GLT1D1: variants seen among roughly 807,000 people sequenced by gnomAD.
GLT1D1 encodes the protein glycosyltransferase 1 domain-containing protein 1.
Under a neutral mutation model 28.7 loss-of-function variants are expected in GLT1D1, and 21 were observed. The observed-to-expected ratio is 0.73, with a 90% confidence interval of 0.52 to 1.05. The LOEUF (loss-of-function observed/expected upper bound fraction) is 1.05, where lower values mean the gene tolerates loss of function less well. GLT1D1 is among the 50% of genes least tolerant of loss of function. GLT1D1 has a pLI of 0.00. For synonymous variants in GLT1D1, 147 were observed against 124.8 expected, an observed-to-expected ratio of 1.18 and a Z score of -1.19; for missense variants, 343 against 330.6, an observed-to-expected ratio of 1.04 and a Z score of -0.29.
chr12:128,962,830 T>C (rs550244208), intron 7 of GLT1D1, among the ~76,000 whole-genome samples: 1 of 152,020 alleles, frequency 6.6e-6, no homozygotes, highest in South Asian at 2.1e-4. Context: ...GCCTCCCGAG[T>C]AGCTGGGACT....
At chr12:128,863,570 G>T (rs146706163) in intron 1 of GLT1D1, among the ~76,000 whole-genome samples, 1 of 151,904 alleles carries the variant, frequency 6.6e-6, no homozygotes, top group Non-Finnish European at 1.5e-5. Flanking sequence ...TAGAGACGGG[G>T]TTTCACCATG....
chr12:128,867,873 C>T (rs1956587344), intron 1 of GLT1D1, among the ~76,000 whole-genome samples: 1 of 152,106 alleles, frequency 6.6e-6, no homozygotes, highest in South Asian at 2.1e-4. Flanking sequence ...TCTGGAATTC[C>T]GAGGAGGCCA....
intron 4 of GLT1D1, among the ~76,000 whole-genome samples, chr12:128,911,574 T>C (rs1753059537): frequency 6.6e-6 from 1 of 152,316 alleles, no homozygotes; most frequent in Middle Eastern, 3.4e-3. Context: ...TTTTGGACTC[T>C]TTCACCAAAA....
At chr12:128,927,145 G>T in intron 4 of GLT1D1, 1 of 1,535,178 alleles carries the variant, frequency 6.5e-7, no homozygotes, top group East Asian at 2.4e-5. Context: ...TGGTGATTGT[G>T]GGTCCTGAAG....
chr12:128,943,591 T>C (rs927587043), intron 4 of GLT1D1, among the ~76,000 whole-genome samples: 5 of 152,234 alleles, frequency 3.3e-5, no homozygotes, highest in African/African-American at 9.6e-5. Context: ...TCAGTACATA[T>C]GTATTTTCAA....
At chr12:128,934,060 T>G (rs1284530810) in intron 4 of GLT1D1, among the ~76,000 whole-genome samples, 2 of 152,196 alleles carry the variant, frequency 1.3e-5, no homozygotes, top group Non-Finnish European at 2.9e-5. Flanking sequence ...TCTTTCTCTG[T>G]TAACTGCAAA....
intron 6 of GLT1D1, among the ~76,000 whole-genome samples, chr12:128,956,507 G>A (rs888545625): frequency 1.3e-5 from 2 of 152,152 alleles, no homozygotes; most frequent in African/African-American, 4.8e-5. Context: ...GAGACCATCT[G>A]TATCCTGTTT....
chr12:128,915,128 A>G (rs1288339286), intron 4 of GLT1D1, 139 bp downstream of exon 6: 2 of 661,398 alleles, frequency 3.0e-6, no homozygotes, highest in South Asian at 2.0e-5. Context: ...CTGCGGCTTC[A>G]TGAGTAGTTT....
intron 3 of GLT1D1, among the ~76,000 whole-genome samples, chr12:128,894,461 G>A (rs1395576829): frequency 6.6e-5 from 10 of 152,082 alleles, no homozygotes; most frequent in Admixed American, 3.9e-4. Flanking sequence ...TTTGCACTGC[G>A]TCTTGTTTAT....
At chr12:128,898,879 A>G (rs530691282) in intron 3 of GLT1D1, among the ~76,000 whole-genome samples, 1 of 152,346 alleles carries the variant, frequency 6.6e-6, no homozygotes, top group South Asian at 2.1e-4. Flanking sequence ...GAGCTAGTGG[A>G]GTGGACAGGC....
chr12:128,903,366 C>T (rs1380440423), intron 4 of GLT1D1, among the ~76,000 whole-genome samples: 1 of 151,702 alleles, frequency 6.6e-6, no homozygotes, highest in Non-Finnish European at 1.5e-5. Flanking sequence ...CATTCCAGGC[C>T]TCTGCCTGTG....
intron 1 of GLT1D1, among the ~76,000 whole-genome samples, chr12:128,875,054 T>TTGTGTG (rs376956933): frequency 0.12 from 17,792 of 143,780 alleles, 1,163 homozygotes; most frequent in South Asian, 0.18. Flanking sequence ...GACATAAATA[T>TTGTGTG]TGTGTGTGTG....
At chr12:128,887,861 T>C (rs1392621227) in intron 2 of GLT1D1, among the ~76,000 whole-genome samples, 2 of 152,186 alleles carry the variant, frequency 1.3e-5, no homozygotes, top group East Asian at 1.9e-4. Flanking sequence ...TTGTAGGCCA[T>C]AGTCTCTCTG....
rs577258536 is a variant in GLT1D1 at position 128,935,465 on chromosome 12, C to T, written c.376-9861C>T. The stretch of plus-strand genomic sequence containing the variant: ...CTGAGGCAAGGAAATCGCTTGAACC[C>T]GGGAGGCAGAGGTTGCAGTGAGCCA... On this transcript the variant is annotated intron_variant, in intron 4 of 7. Transcript: ENST00000281703. 1.9e-4 allele frequency among the ~76,000 whole-genome samples: 28 copies of T among 150,534 alleles called. No individual in the cohort carries two copies. In the East Asian group the frequency reaches 4.1e-3, roughly 22 times the overall value.
chr12:128,928,620 TTTTC>T (rs1411445885), intron 4 of GLT1D1, among the ~76,000 whole-genome samples: 5 of 147,732 alleles, frequency 3.4e-5, no homozygotes, highest in Admixed American at 2.0e-4. Context: ...TGGTTTTTTT[TTTTC>T]TTTCTTTCTT....
chr12:128,871,983 G>T (rs561450348), intron 1 of GLT1D1, among the ~76,000 whole-genome samples: 5 of 151,558 alleles, frequency 3.3e-5, no homozygotes, highest in African/African-American at 1.2e-4. Flanking sequence ...ACGGAGTCTC[G>T]CTCTGTCGCC....
At chr12:128,865,408 T>C (rs1275374224) in intron 1 of GLT1D1, among the ~76,000 whole-genome samples, 1 of 152,210 alleles carries the variant, frequency 6.6e-6, no homozygotes, top group Admixed American at 6.5e-5. Flanking sequence ...TGTGGAATGA[T>C]TATATCACGG....
At chr12:128,908,811 T>A (rs528876122) in intron 4 of GLT1D1, among the ~76,000 whole-genome samples, 1 of 151,950 alleles carries the variant, frequency 6.6e-6, no homozygotes, top group East Asian at 1.9e-4. Flanking sequence ...TAGCCGGGCG[T>A]GGTGACGGGC....
intron 6 of GLT1D1, among the ~76,000 whole-genome samples, chr12:128,953,721 G>A (rs368119144): frequency 1.1e-4 from 16 of 150,486 alleles, no homozygotes; most frequent in East Asian, 9.8e-4. Flanking sequence ...TGGCCTGTGC[G>A]CACTAACAAT....
Sources: allele counts gnomAD v4.1 joint callset (sites outside exome capture counted in the v4.1 genomes callset), GRCh38; gene constraint gnomAD v4.1.1; transcripts MANE v1.5; gene names NCBI Gene and HGNC (gene_info 2026-07-23, HGNC 2026-07-21).